Variants in KCNMA1 observed in about 807,000 individuals in gnomAD.
The protein encoded by KCNMA1 is Calcium-activated potassium channel subunit alpha-1.
In KCNMA1, 29 loss-of-function variants were observed where a neutral mutation model predicts 140.0. That is an observed-to-expected ratio of 0.21 (90% CI 0.15 to 0.28). The LOEUF is 0.28. KCNMA1 is among the 10% of genes least tolerant of loss of function. The pLI is 1.00. For missense variants in KCNMA1, 880 were observed against 1,602.2 expected (o/e 0.55, Z 7.70); for synonymous variants, 612 against 611.9 (o/e 1.00, Z 0.00).
intron 24 of KCNMA1, chr10:76,913,994 G>T: frequency 7.9e-7 from 1 of 1,267,648 alleles, no homozygotes; most frequent in Non-Finnish European, 1.1e-6. Flanking sequence ...GCTGATGATA[G>T]TTGGAAACAC....
chr10:77,214,745 C>A (rs2047162822), intron 3 of KCNMA1, among the ~76,000 whole-genome samples: 1 of 152,118 alleles, frequency 6.6e-6, no homozygotes. Context: ...GGCAATTGGC[C>A]ACTCCCTCTG....
intron 21 of KCNMA1, among the ~76,000 whole-genome samples, chr10:76,950,963 G>A (rs532760241): frequency 1.3e-5 from 2 of 152,290 alleles, no homozygotes; most frequent in South Asian, 2.1e-4. Context: ...TGGGCCGCAC[G>A]GAAGTGCAAG....
At chr10:77,203,627 TAC>T (rs1203392752) in intron 3 of KCNMA1, among the ~76,000 whole-genome samples, 1 of 152,098 alleles carries the variant, frequency 6.6e-6, no homozygotes, top group African/African-American at 2.4e-5. Context: ...ATCATCATGG[TAC>T]CCGCAAAATA....
At chr10:77,491,151 T>C (rs547742292) in intron 1 of KCNMA1, among the ~76,000 whole-genome samples, 1 of 152,292 alleles carries the variant, frequency 6.6e-6, no homozygotes, top group East Asian at 1.9e-4. Context: ...TCCCCCACAG[T>C]GCTGATTCAC....
intron 3 of KCNMA1, among the ~76,000 whole-genome samples, chr10:77,193,978 T>G (rs899359527): frequency 1.3e-5 from 2 of 152,090 alleles, no homozygotes; most frequent in Non-Finnish European, 2.9e-5. Context: ...TTTCTGGATA[T>G]TAAAATTGCC....
intron 2 of KCNMA1, among the ~76,000 whole-genome samples, chr10:77,379,484 C>G (rs1312517126): frequency 6.7e-6 from 1 of 148,798 alleles, no homozygotes; most frequent in East Asian, 2.0e-4. Flanking sequence ...TATATAGAAG[C>G]AGAAAACAAG....
At chr10:77,355,634 G>A (rs1413581637) in intron 2 of KCNMA1, among the ~76,000 whole-genome samples, 3 of 152,342 alleles carry the variant, frequency 2.0e-5, no homozygotes. Flanking sequence ...ACAGAACGGA[G>A]AGATGGAAAG....
chr10:76,886,120 T>C lies in KCNMA1; in HGVS notation c.*1146A>G. ...AACTGTGGCTGATCCTCCTACATTC[T>C]AATTTATTTAGCATGTCGGCTCCTA... On this transcript the variant is annotated 3_prime_UTR_variant, in exon 28 of 28. Coordinates refer to ENST00000286628, the MANE Select transcript of KCNMA1 (RefSeq NM_001161352.2). 1.0e-6 allele frequency: 1 copy of C among 985,300 alleles called. No individual in the cohort carries two copies. Among genetic ancestry groups the C allele is most frequent in the East Asian group, 1.1e-4 (1 of 8,812 alleles). The allele number at this position is 985,300 out of a possible 1,614,324, so 61.0% of individuals were successfully genotyped here.
At chr10:77,079,132 T>C (rs1317245813) in intron 13 of KCNMA1, among the ~76,000 whole-genome samples, 1 of 152,116 alleles carries the variant, frequency 6.6e-6, no homozygotes, top group Non-Finnish European at 1.5e-5. Context: ...CAGCCTGGCA[T>C]GGTGGCGCAT....
intron 14 of KCNMA1, among the ~76,000 whole-genome samples, chr10:77,054,739 C>T (rs2095486200): frequency 6.6e-6 from 1 of 152,176 alleles, no homozygotes; most frequent in South Asian, 2.1e-4. Flanking sequence ...AAATTACACT[C>T]AGTTCAAACG....
chr10:76,888,627 T>C (rs1392543721), intron 27 of KCNMA1, among the ~76,000 whole-genome samples: 1 of 152,228 alleles, frequency 6.6e-6, no homozygotes, highest in East Asian at 1.9e-4. Context: ...GAGAAAAATA[T>C]AATTGGCACA....
At chr10:77,354,291 G>C (rs1424172144) in intron 2 of KCNMA1, 1 of 152,222 alleles carries the variant, frequency 6.6e-6, no homozygotes, top group Non-Finnish European at 1.5e-5. Context: ...TTGAAACTCA[G>C]GCCTGCCTGC....
At position 77,432,829 on chromosome 10, in the gene KCNMA1, C is replaced by T. The variant is rs145191849; in HGVS notation, c.379-28806G>A. 7.2e-5 allele frequency among the ~76,000 whole-genome samples: 11 copies of T among 152,194 alleles called. No individual in the cohort carries two copies. In the East Asian group the frequency reaches 2.1e-3, roughly 29 times the overall value. On this transcript the variant is annotated intron_variant, in intron 1 of 27. Transcript: ENST00000286628. ...TTGCAAAACACTTTCTTATCCTACA[C>T]CTGGGCGAGAGAGACTTACAGAGGG...
chr10:77,291,729 G>A (rs748902823), intron 2 of KCNMA1, among the ~76,000 whole-genome samples: 5 of 152,188 alleles, frequency 3.3e-5, no homozygotes, highest in African/African-American at 4.8e-5. Flanking sequence ...ATTTCCCAGC[G>A]TCTGGGGGAA....
chr10:77,202,184 T>C (rs1391291091), intron 3 of KCNMA1, among the ~76,000 whole-genome samples: 1 of 152,200 alleles, frequency 6.6e-6, no homozygotes, highest in Non-Finnish European at 1.5e-5. Context: ...GGTATAATAC[T>C]GTGTTCAATT....
intron 1 of KCNMA1, among the ~76,000 whole-genome samples, chr10:77,581,539 T>C (rs966604533): frequency 2.0e-5 from 3 of 152,188 alleles, no homozygotes; most frequent in African/African-American, 7.2e-5. Flanking sequence ...TCTCCTGACC[T>C]AGTGATCCAC....
intron 1 of KCNMA1, among the ~76,000 whole-genome samples, chr10:77,629,665 T>C (rs143194160): frequency 0.013 from 1,915 of 152,304 alleles, 19 homozygotes; most frequent in Non-Finnish European, 0.019. Flanking sequence ...TTTTTTCCTC[T>C]GCTCAGCCTG....
chr10:77,523,461 C>G (rs1603632579), intron 1 of KCNMA1, among the ~76,000 whole-genome samples: 1 of 152,266 alleles, frequency 6.6e-6, no homozygotes, highest in East Asian at 1.9e-4. Context: ...GGAATGCAAG[C>G]CTGGTAACCT....
chr10:77,033,216 C>T (rs1258307227), intron 15 of KCNMA1, among the ~76,000 whole-genome samples: 2 of 152,130 alleles, frequency 1.3e-5, no homozygotes, highest in African/African-American at 4.8e-5. Flanking sequence ...CATTCAGGAG[C>T]TTTAATTTAA....
Sources: allele counts gnomAD v4.1 joint callset (sites outside exome capture counted in the v4.1 genomes callset), GRCh38; gene constraint gnomAD v4.1.1; transcripts MANE v1.5; gene names NCBI Gene and HGNC (gene_info 2026-07-23, HGNC 2026-07-21).